Variants in NRXN1 observed in about 807,000 individuals in gnomAD.
The protein encoded by NRXN1 is neurexin 1, also known as neurexin-1.
A neutral mutation model predicts 150.9 loss-of-function variants in NRXN1; 39 were observed. The ratio of observed to expected loss-of-function variants is 0.26; its 90% CI spans 0.20 to 0.34. The LOEUF (loss-of-function observed/expected upper bound fraction) is 0.34. Ranked by LOEUF, NRXN1 falls within the 10% of genes least tolerant of loss-of-function variation. The pLI, the probability that NRXN1 is intolerant of heterozygous loss-of-function variation, is 1.00. For missense variants in NRXN1, 1,815 were observed against 1,949.9 expected, an observed-to-expected ratio of 0.93 and a Z score of 1.30; for synonymous variants, 924 against 757.0, an observed-to-expected ratio of 1.22 and a Z score of -3.62.
intron 16 of NRXN1, among the ~76,000 whole-genome samples, chr2:50,471,776 T>G (rs912094263): frequency 6.6e-6 from 1 of 151,672 alleles, no homozygotes; most frequent in Non-Finnish European, 1.5e-5. Context: ...AAATAACTAA[T>G]GCGTACTAGG....
At chr2:50,490,874 G>C (rs1018879469) in intron 15 of NRXN1, among the ~76,000 whole-genome samples, 8 of 152,082 alleles carry the variant, frequency 5.3e-5, no homozygotes. Flanking sequence ...TTTCTTGTCT[G>C]TCTTACTTCC....
chr2:50,797,463 A>G (rs1478954481), intron 5 of NRXN1, among the ~76,000 whole-genome samples: 1 of 152,144 alleles, frequency 6.6e-6, no homozygotes, highest in African/African-American at 2.4e-5. Flanking sequence ...CAAACATTTT[A>G]AAAACACAGA....
chr2:50,034,430 G>A (rs941013440), intron 21 of NRXN1, among the ~76,000 whole-genome samples: 110 of 152,036 alleles, frequency 7.2e-4, no homozygotes, highest in African/African-American at 2.5e-3. Flanking sequence ...CTTATAAGTG[G>A]GGGCTAAATA....
intron 18 of NRXN1, among the ~76,000 whole-genome samples, chr2:50,219,322 A>T (rs2152854730): frequency 6.6e-6 from 1 of 150,658 alleles, no homozygotes; most frequent in East Asian, 2.0e-4. Flanking sequence ...TTGTGGGGAG[A>T]CTAATATTCC....
chr2:50,463,592 C>G (rs2088482566), intron 17 of NRXN1, among the ~76,000 whole-genome samples: 1 of 151,602 alleles, frequency 6.6e-6, no homozygotes. Context: ...GTACTATCAC[C>G]CAAGAGCAGC....
chr2:50,705,887 A>G (rs537021918), intron 5 of NRXN1, among the ~76,000 whole-genome samples: 168 of 152,332 alleles, frequency 1.1e-3, no homozygotes, highest in African/African-American at 4.0e-3. Context: ...GGTAATAAAC[A>G]AAAACAATCA....
At chr2:50,550,330 G>A (rs1229118311) in intron 9 of NRXN1, among the ~76,000 whole-genome samples, 2 of 151,982 alleles carry the variant, frequency 1.3e-5, no homozygotes, top group Non-Finnish European at 2.9e-5. Flanking sequence ...GGGCTCAAGT[G>A]ATCCTAAGTG....
chr2:50,070,493 A>G (rs550787889), intron 19 of NRXN1, among the ~76,000 whole-genome samples: 14 of 152,206 alleles, frequency 9.2e-5, no homozygotes, highest in African/African-American at 3.4e-4. Context: ...TAAGTGGGCC[A>G]GACACGGTGG....
intron 17 of NRXN1, among the ~76,000 whole-genome samples, chr2:50,464,976 G>A (rs985032900): frequency 2.0e-5 from 3 of 151,784 alleles, no homozygotes; most frequent in African/African-American, 7.3e-5. Flanking sequence ...AAGGGACAAT[G>A]TTTGAACATA....
chr2:50,826,878 G>A (rs1670519773), intron 5 of NRXN1, among the ~76,000 whole-genome samples: 2 of 152,132 alleles, frequency 1.3e-5, no homozygotes, highest in Admixed American at 1.3e-4. Flanking sequence ...GGATTCATCA[G>A]CATTTAGATG....
chr2:50,070,200 A>G (rs1696037813), intron 19 of NRXN1, among the ~76,000 whole-genome samples: 1 of 152,064 alleles, frequency 6.6e-6, no homozygotes, highest in Non-Finnish European at 1.5e-5. Flanking sequence ...ACAAGGCATT[A>G]TGATACTAGG....
intron 17 of NRXN1, among the ~76,000 whole-genome samples, chr2:50,406,071 G>GTTTTTCATGTTAA (rs763768186): frequency 1.5e-4 from 23 of 152,072 alleles, no homozygotes; most frequent in Non-Finnish European, 2.8e-4. Flanking sequence ...AGAGCTTACA[G>GTTTTTCATGTTAA]TTTTTCATGT....
At chr2:50,894,466 T>G (rs1681608787) in intron 5 of NRXN1, among the ~76,000 whole-genome samples, 1 of 151,890 alleles carries the variant, frequency 6.6e-6, no homozygotes, top group Non-Finnish European at 1.5e-5. Context: ...GATTATTCAT[T>G]TGAAACTTCC....
intron 2 of NRXN1, among the ~76,000 whole-genome samples, chr2:50,956,771 T>C (rs1181878756): frequency 6.6e-6 from 1 of 151,860 alleles, no homozygotes; most frequent in Admixed American, 6.6e-5. Flanking sequence ...AAAGCAAGAT[T>C]TAACATTTAT....
intron 5 of NRXN1, chr2:50,637,477 T>G (rs1205417327): frequency 6.6e-6 from 1 of 152,196 alleles, no homozygotes; most frequent in African/African-American, 2.4e-5. Context: ...AGTTACAGAT[T>G]AAGTGCAAAC....
rs1251177794 is a variant in NRXN1 at position 50,026,897 on chromosome 2, T to C, written c.4128+26374A>G. ...TTTTTTTTTTTTTTTTTTTTTTTTT[T>C]TGAGACGGAGTCTCGTTCTGTCACC... On this transcript the variant is annotated intron_variant, in intron 21 of 22. Transcript: ENST00000401669. Among the ~76,000 whole-genome samples the C allele has an allele frequency of 6.1e-5, 7 of 114,264 alleles. No individual in the cohort carries two copies. In the South Asian group the frequency reaches 2.1e-3, roughly 34 times the overall value. 75.0% of individuals were successfully genotyped at this position (114,264 alleles called of 152,430 possible). A position where few individuals can be genotyped will look rare whatever the true frequency, so the allele number is the denominator to read the frequency against.
intron 17 of NRXN1, among the ~76,000 whole-genome samples, chr2:50,447,059 G>A (rs2086478475): frequency 1.3e-5 from 2 of 152,056 alleles, no homozygotes; most frequent in African/African-American, 4.8e-5. Context: ...GACTGCAACT[G>A]TCATGTAGTG....
intron 19 of NRXN1, among the ~76,000 whole-genome samples, chr2:50,060,171 G>C (rs996614583): frequency 1.3e-5 from 2 of 152,180 alleles, no homozygotes; most frequent in Non-Finnish European, 2.9e-5. Flanking sequence ...AGCCACAGAG[G>C]CAGAGCTGCC....
chr2:50,886,156 G>T (rs1019598160), intron 5 of NRXN1, among the ~76,000 whole-genome samples: 1 of 151,104 alleles, frequency 6.6e-6, no homozygotes. Context: ...GACTTAATGT[G>T]AAACCAAACA....
Sources: gnomAD v4.1 joint callset for allele counts (sites outside exome capture counted in the v4.1 genomes callset) on GRCh38, gnomAD v4.1.1 for gene constraint, MANE v1.5 for transcripts, NCBI Gene and HGNC (gene_info 2026-07-23, HGNC 2026-07-21) for gene names.